The following ATAD2B variants were observed in gnomAD, a reference collection of about 807,000 sequenced individuals.
ATAD2B encodes the protein ATPase family AAA domain-containing protein 2B.
Under a neutral mutation model 167.6 loss-of-function variants are expected in ATAD2B, and 40 were observed. The ratio of observed to expected loss-of-function variants is 0.24; its 90% CI spans 0.19 to 0.31. ATAD2B has a LOEUF of 0.31. ATAD2B is among the 10% of genes least tolerant of loss of function. The pLI, the probability that ATAD2B is intolerant of heterozygous loss-of-function variation, is 1.00. For synonymous variants in ATAD2B, 579 were observed against 596.5 expected (o/e 0.97, Z 0.43); for missense variants, 1,242 against 1,757.2 (o/e 0.71, Z 5.24).
chr2:23,693,230 C>T, the ATAD2B span: 9 of 1,518,378 alleles, frequency 5.9e-6, no homozygotes, highest in South Asian at 3.7e-5. Flanking sequence ...AACTGCTTCC[C>T]GGGCCTTTGG....
chr2:23,754,828 G>C, intron 25 of ATAD2B, 54 bp from the exon 26 acceptor site: 2 of 1,537,064 alleles, frequency 1.3e-6, no homozygotes, highest in East Asian at 4.5e-5. Flanking sequence ...AGAAAAACCA[G>C]TCTTAAGCAG....
At chr2:23,796,726 C>A (rs992046736) in intron 19 of ATAD2B, among the ~76,000 whole-genome samples, 2 of 152,188 alleles carry the variant, frequency 1.3e-5, no homozygotes, top group African/African-American at 4.8e-5. Context: ...ATTTCAACTT[C>A]AGCTGCATTC....
At chr2:23,864,373 T>C (rs994703867) in intron 11 of ATAD2B, among the ~76,000 whole-genome samples, 43 of 152,252 alleles carry the variant, frequency 2.8e-4, no homozygotes, top group African/African-American at 1.0e-3. Context: ...TCCCCAGCTA[T>C]CCACCTCATG....
At chr2:23,697,435 C>T in the ATAD2B span, 5 of 152,436 alleles carry the variant, frequency 3.3e-5, no homozygotes, top group South Asian at 1.0e-3. Context: ...CCAGGGGAGA[C>T]AGCTAAGATT....
chr2:23,836,415 G>A (rs1030043809), intron 13 of ATAD2B, among the ~76,000 whole-genome samples: 2 of 152,254 alleles, frequency 1.3e-5, no homozygotes, highest in South Asian at 2.1e-4. Context: ...TGGGCTCCCT[G>A]AAGGGCTGCA....
chr2:23,754,347 C>T (rs530999397), intron 26 of ATAD2B, 40 bp from the exon 27 acceptor site: 2 of 1,516,646 alleles, frequency 1.3e-6, no homozygotes, highest in Non-Finnish European at 1.8e-6. Context: ...AATTTGATTT[C>T]ACTGGTCAAA....
At chr2:23,820,270 G>A (rs1687244633) in intron 16 of ATAD2B, among the ~76,000 whole-genome samples, 1 of 152,244 alleles carries the variant, frequency 6.6e-6, no homozygotes, top group African/African-American at 2.4e-5. Context: ...GCTGAGTCAA[G>A]GCCAGTTCTT....
chr2:23,738,783 T>G, the ATAD2B span, among the ~76,000 whole-genome samples: 14 of 152,174 alleles, frequency 9.2e-5, no homozygotes, highest in South Asian at 2.1e-4. Flanking sequence ...AGACCCATCA[T>G]TGTGCTATAT....
the ATAD2B span, among the ~76,000 whole-genome samples, chr2:23,709,823 A>T: frequency 6.6e-6 from 1 of 152,346 alleles, no homozygotes; most frequent in African/African-American, 2.4e-5. Context: ...CTGAAATTAT[A>T]ACTTGAGATA....
At chr2:23,705,385 A>G in the ATAD2B span, among the ~76,000 whole-genome samples, 2 of 152,166 alleles carry the variant, frequency 1.3e-5, no homozygotes, top group African/African-American at 4.8e-5. Context: ...CAGCTAACTC[A>G]GGAGGCTGAG....
the ATAD2B span, among the ~76,000 whole-genome samples, chr2:23,730,409 G>A: frequency 2.0e-5 from 3 of 152,068 alleles, no homozygotes; most frequent in Admixed American, 1.3e-4. Flanking sequence ...GCTCATGCCT[G>A]TAATCCCAGC....
At chr2:23,861,072 GTA>G (rs1199592653) in intron 12 of ATAD2B, among the ~76,000 whole-genome samples, 8 of 151,874 alleles carry the variant, frequency 5.3e-5, no homozygotes, top group Non-Finnish European at 8.8e-5. Context: ...GCTCACACCT[GTA>G]ATCCCAGTGC....
At chr2:23,754,334 T>C (rs997077035) in intron 26 of ATAD2B, 27 bp from the exon 27 acceptor site, 4 of 1,529,960 alleles carry the variant, frequency 2.6e-6, no homozygotes, top group South Asian at 2.5e-5. Flanking sequence ...AAGAATAAAA[T>C]GTAATTTGAT....
At chr2:23,830,778 G>A (rs1688921229) in intron 14 of ATAD2B, among the ~76,000 whole-genome samples, 1 of 151,884 alleles carries the variant, frequency 6.6e-6, no homozygotes, top group Non-Finnish European at 1.5e-5. Context: ...ATGACATTAA[G>A]AATCTATACA....
intron 23 of ATAD2B, among the ~76,000 whole-genome samples, chr2:23,764,939 G>A (rs1363434050): frequency 1.3e-5 from 2 of 152,074 alleles, no homozygotes; most frequent in Non-Finnish European, 2.9e-5. Flanking sequence ...TTCCCTACTG[G>A]GAGGTCTCAT....
intron 13 of ATAD2B, among the ~76,000 whole-genome samples, chr2:23,836,872 A>G (rs1690072466): frequency 1.3e-5 from 2 of 152,036 alleles, no homozygotes; most frequent in East Asian, 1.9e-4. Flanking sequence ...GTGCACACCA[A>G]TTGGTCCATG....
the ATAD2B span, among the ~76,000 whole-genome samples, chr2:23,709,951 G>A: frequency 6.6e-6 from 1 of 152,170 alleles, no homozygotes; most frequent in Non-Finnish European, 1.5e-5. Context: ...ACTCTGGGGG[G>A]TGAACAAATT....
intron 22 of ATAD2B, among the ~76,000 whole-genome samples, chr2:23,781,158 G>T (rs1388619046): frequency 6.6e-6 from 1 of 151,902 alleles, no homozygotes; most frequent in African/African-American, 2.4e-5. Context: ...CCAGGAGCTG[G>T]CCTGGCACTA....
intron 19 of ATAD2B, among the ~76,000 whole-genome samples, chr2:23,795,676 T>C (rs1023228154): frequency 6.6e-6 from 1 of 151,976 alleles, no homozygotes; most frequent in African/African-American, 2.4e-5. Flanking sequence ...GGTCAGGAGT[T>C]CAAGACCAGC....
Sources: gnomAD v4.1 joint callset for allele counts (sites outside exome capture counted in the v4.1 genomes callset) on GRCh38, gnomAD v4.1.1 for gene constraint, MANE v1.5 for transcripts, NCBI Gene and HGNC (gene_info 2026-07-23, HGNC 2026-07-21) for gene names.